Variants in ZBTB7C observed in about 807,000 individuals in gnomAD.
The protein encoded by ZBTB7C is zinc finger and BTB domain containing 7C, also known as zinc finger and BTB domain-containing protein 7C.
A neutral mutation model predicts 25.7 loss-of-function variants in ZBTB7C; 8 were observed. The observed-to-expected ratio is 0.31, with a 90% CI of 0.18 to 0.56. The LOEUF (loss-of-function observed/expected upper bound fraction) is 0.56. Ranked by LOEUF, ZBTB7C falls within the 20% of genes least tolerant of loss-of-function variation. ZBTB7C has a pLI of 0.91. For missense variants in ZBTB7C, 824 were observed against 855.2 expected (o/e 0.96, Z 0.46); for synonymous variants, 394 against 369.0 (o/e 1.07, Z -0.78).
chr18:48,151,201 T>C (rs1167286233), intron 3 of ZBTB7C, among the ~76,000 whole-genome samples: 1 of 152,118 alleles, frequency 6.6e-6, no homozygotes, highest in Non-Finnish European at 1.5e-5. Flanking sequence ...ATCTGAAGCA[T>C]GTTCACCACA....
intron 3 of ZBTB7C, among the ~76,000 whole-genome samples, chr18:48,107,655 G>A (rs1639107997): frequency 2.6e-5 from 4 of 152,114 alleles, no homozygotes; most frequent in Admixed American, 2.6e-4. Context: ...GGCGGGGCAG[G>A]GCCGGCCTCC....
At position 48,134,761 on chromosome 18, in the gene ZBTB7C, G is replaced by C. The variant is rs570466630; in HGVS notation, c.-17+51173C>G. 3.9e-5 allele frequency among the ~76,000 whole-genome samples: 6 copies of C among 152,372 alleles called. 1 individual carries two copies. The highest frequency in any genetic ancestry group is 1.4e-4 in the African/African-American group (6 of 41,598). On this transcript the variant is annotated intron_variant, in intron 3 of 4. Coordinates refer to ENST00000590800, the MANE Select transcript of ZBTB7C (RefSeq NM_001318841.2). ...AGAGAGAGATGCCAGTACTCTCAGA[G>C]ACTGTTTGGGCCTCTTCTTGTCATC...
intron 2 of ZBTB7C, among the ~76,000 whole-genome samples, chr18:48,217,035 A>G (rs1410441888): frequency 1.3e-5 from 2 of 152,138 alleles, no homozygotes; most frequent in Non-Finnish European, 2.9e-5. Flanking sequence ...GATGCAGCTG[A>G]AGCCAAGGAG....
chr18:48,129,765 C>T (rs2039929989), intron 3 of ZBTB7C, among the ~76,000 whole-genome samples: 1 of 152,110 alleles, frequency 6.6e-6, no homozygotes, highest in South Asian at 2.1e-4. Flanking sequence ...GGTCCCTCCT[C>T]CACCCCACCT....
At chr18:48,250,400 G>C (rs905248139) in intron 2 of ZBTB7C, among the ~76,000 whole-genome samples, 1 of 152,144 alleles carries the variant, frequency 6.6e-6, no homozygotes, top group Non-Finnish European at 1.5e-5. Context: ...GATAAGAAAA[G>C]CCCCTACCTC....
At position 48,032,275 on chromosome 18, in the gene ZBTB7C, G is replaced by A. The variant is rs539189455; in HGVS notation, c.1209-2364C>T. On this transcript the variant is annotated intron_variant, in intron 4 of 4. Coordinates refer to ENST00000590800, the MANE Select transcript of ZBTB7C (RefSeq NM_001318841.2). ...ATTACAGGCATGCACCACCACGCCCGGCTAATTTTTGTATTTTTTTAAGTA... is the reference window on the plus strand; with the variant it reads ...ATTACAGGCATGCACCACCACGCCCAGCTAATTTTTGTATTTTTTTAAGTA... Among the ~76,000 whole-genome samples the A allele has an allele frequency of 8.4e-3, 1,271 of 151,668 alleles. 9 individuals are homozygous for A. Among genetic ancestry groups the A allele is most frequent in the Middle Eastern group, 0.017 (5 of 294 alleles).
intron 2 of ZBTB7C, among the ~76,000 whole-genome samples, chr18:48,245,468 T>G (rs4245265): frequency 0.49 from 66,102 of 135,782 alleles, 15,845 homozygotes; most frequent in East Asian, 0.66. Context: ...AAAAACCTAT[T>G]GAAATAAAAA....
At position 48,029,426 on chromosome 18, in the gene ZBTB7C, T is replaced by A. The variant is rs1331797394; in HGVS notation, c.1694A>T (p.Glu565Val). 6.3e-7 allele frequency: 1 copy of A among 1,586,840 alleles called. No individual in the cohort carries two copies. The highest frequency in any genetic ancestry group is 1.7e-5 in the Admixed American group (1 of 58,256). ...GAGGCCCCCCGCGTTCCTCTCAGCCTCCAGCTGCGCGCGCCCGAACAGCTT... is the reference window on the plus strand; with the variant it reads ...GAGGCCCCCCGCGTTCCTCTCAGCCACCAGCTGCGCGCGCCCGAACAGCTT... ...QMKLFGRAQLEAERNAGGLLA... is the reference protein window; with the variant it reads ...QMKLFGRAQLVAERNAGGLLA... Residue 565 changes from glutamate (E) to valine (V), a missense_variant, in exon 5 of 5, where the codon GAG (glutamate) becomes GTG (valine). This residue lies in a region of ZBTB7C where 342 missense variants were observed against 307.0 expected (regional missense o/e 1.11). Coordinates refer to ENST00000590800, the MANE Select transcript of ZBTB7C (RefSeq NM_001318841.2).
intron 3 of ZBTB7C, among the ~76,000 whole-genome samples, chr18:48,161,756 TCCCCGCCCCTTCCCGGGCG>T (rs926245263): frequency 8.1e-6 from 1 of 123,846 alleles, no homozygotes; most frequent in South Asian, 2.7e-4. Flanking sequence ...CCCTCCTCTA[TCCCCGCCCCTTCCCGGGCG>T]CCCCGCCCTC....
At chr18:48,060,133 A>G (rs940365317) in intron 3 of ZBTB7C, among the ~76,000 whole-genome samples, 2 of 152,126 alleles carry the variant, frequency 1.3e-5, no homozygotes, top group Non-Finnish European at 2.9e-5. Context: ...CACACGACCC[A>G]TTTTAACCAG....
At chr18:48,069,654 G>A (rs1011595891) in intron 3 of ZBTB7C, among the ~76,000 whole-genome samples, 1 of 151,902 alleles carries the variant, frequency 6.6e-6, no homozygotes, top group African/African-American at 2.4e-5. Flanking sequence ...ACTATCAGGA[G>A]CAAGGCTTTG....
At chr18:48,310,606 G>GC (rs1353731348) in intron 2 of ZBTB7C, among the ~76,000 whole-genome samples, 1 of 152,112 alleles carries the variant, frequency 6.6e-6, no homozygotes, top group South Asian at 2.1e-4. Flanking sequence ...ATTTCAGAAT[G>GC]CCGAGGGAAG....
At chr18:48,219,445 A>G (rs773737417) in intron 2 of ZBTB7C, among the ~76,000 whole-genome samples, 3 of 152,220 alleles carry the variant, frequency 2.0e-5, no homozygotes, top group Non-Finnish European at 4.4e-5. Flanking sequence ...CTGTATCCCA[A>G]TGAGGCAAGT....
chr18:48,335,162 G>A (rs967090509), intron 2 of ZBTB7C, among the ~76,000 whole-genome samples: 9 of 152,232 alleles, frequency 5.9e-5, no homozygotes, highest in African/African-American at 1.4e-4. Context: ...AAAGTGGCCC[G>A]GTTCTCATGC....
chr18:48,109,186 C>T (rs971271602), intron 3 of ZBTB7C, among the ~76,000 whole-genome samples: 5 of 152,126 alleles, frequency 3.3e-5, no homozygotes, highest in Admixed American at 3.3e-4. Flanking sequence ...TGTCACAGGC[C>T]TAATGAGGCC....
chr18:48,242,659 A>T (rs1308662263), intron 2 of ZBTB7C, among the ~76,000 whole-genome samples: 1 of 152,190 alleles, frequency 6.6e-6, no homozygotes, highest in Non-Finnish European at 1.5e-5. Context: ...TCCCTTTATG[A>T]CTAAAACTCT....
intron 3 of ZBTB7C, among the ~76,000 whole-genome samples, chr18:48,117,398 T>C (rs2039478283): frequency 6.6e-6 from 1 of 152,202 alleles, no homozygotes; most frequent in Non-Finnish European, 1.5e-5. Flanking sequence ...TTAATCTCAC[T>C]GTCTCAGTTC....
At chr18:48,120,204 T>C (rs1359682881) in intron 3 of ZBTB7C, among the ~76,000 whole-genome samples, 1 of 152,142 alleles carries the variant, frequency 6.6e-6, no homozygotes, top group African/African-American at 2.4e-5. Flanking sequence ...CAGATCTTAC[T>C]TATGGTTTAA....
chr18:48,401,690 G>C (rs2048162294), intron 1 of ZBTB7C, among the ~76,000 whole-genome samples: 1 of 152,132 alleles, frequency 6.6e-6, no homozygotes, highest in Non-Finnish European at 1.5e-5. Context: ...AGTTTGAAGA[G>C]TCCCCATCTC....
Sources: gnomAD v4.1 joint callset for allele counts (sites outside exome capture counted in the v4.1 genomes callset) on GRCh38, gnomAD v4.1.1 for gene constraint, gnomAD v4.1.1 regional missense constraint, MANE v1.5 for transcripts, NCBI Gene and HGNC (gene_info 2026-07-23, HGNC 2026-07-21) for gene names.